Variants in LARS1 observed in about 807,000 individuals in gnomAD.
LARS1 encodes leucine--tRNA ligase, cytoplasmic.
LARS1 carries 100 observed loss-of-function variants against 162.8 expected under a neutral mutation model. The ratio of observed to expected loss-of-function variants is 0.61; its 90% CI spans 0.52 to 0.73. LARS1 has a LOEUF of 0.73. Among genes scored for constraint, LARS1 ranks in the 30% least tolerant of loss-of-function variants. The pLI, the probability that LARS1 is intolerant of heterozygous loss-of-function variation, is 0.00. For missense variants in LARS1, 1,258 were observed against 1,408.9 expected (o/e 0.89, Z 1.71); for synonymous variants, 457 against 462.8 (o/e 0.99, Z 0.16).
Position 146,146,532 on chromosome 5 carries a change from CAAAAAAA to C in LARS1, c.1504-1830_1504-1824del, listed in dbSNP as rs573828595. On this transcript the variant is annotated intron_variant, in intron 15 of 31. Transcript: ENST00000394434. ...ATACTGCCCCTACCTATGCCAGAAC[CAAAAAAA>C]AAAAAAAAAAAAAAAAGGCTAATTC... 2.3e-4 allele frequency among the ~76,000 whole-genome samples: 6 copies of C among 26,490 alleles called. 1 individual carries two copies. Among genetic ancestry groups the C allele is most frequent in the Admixed American group, 2.0e-3 (3 of 1,536 alleles). 17.4% of individuals were successfully genotyped at this position (26,490 alleles called of 152,430 possible). A position where few individuals can be genotyped will look rare whatever the true frequency, so the allele number is the denominator to read the frequency against.
chr5:146,146,192 T>C (rs555914208), intron 15 of LARS1, among the ~76,000 whole-genome samples: 4 of 152,002 alleles, frequency 2.6e-5, no homozygotes, highest in Admixed American at 2.0e-4. Context: ...AATACAAAAT[T>C]AGCTGGGCAT....
intron 2 of LARS1, among the ~76,000 whole-genome samples, chr5:146,175,880 T>C (rs1581093163): frequency 6.8e-6 from 1 of 146,788 alleles, no homozygotes; most frequent in Non-Finnish European, 1.5e-5. Context: ...AGGCCAGGAG[T>C]GATGGCTCAT....
rs3828935 is a variant in LARS1, at chr5:146,171,618, C to A, written c.294+292G>T. The stretch of plus-strand genomic sequence containing the variant: ...AAGTGCACAATGGCTGTACATTTTT[C>A]TTTTTAGTAAAACAGAATCAGTTAT... On this transcript the variant is annotated intron_variant, in intron 4 of 31. Transcript: ENST00000394434. Among the ~76,000 whole-genome samples, 33,855 of 152,018 alleles carry A rather than the reference C, an allele frequency of 0.22. 4,820 individuals are homozygous for A. The highest frequency in any genetic ancestry group is 0.34 in the Admixed American group (5,117 of 15,246).
In LARS1 at chr5:146,128,786, G is replaced by A; in HGVS notation, c.2770-4C>T. ...GCAGGGGTTGTTTGTCAGTCTTCTA[G>A]ACGGTAAAAGAAAGGAAAAACATTC... is the stretch of plus-strand genomic sequence containing the variant. On this transcript the variant is annotated splice_region_variant and splice_polypyrimidine_tract_variant and intron_variant, in intron 26 of 31. Transcript: ENST00000394434. 1 of 1,595,372 alleles carries A rather than the reference G, an allele frequency of 6.3e-7. No homozygotes were observed. The highest frequency in any genetic ancestry group is 8.5e-7 in the Non-Finnish European group (1 of 1,173,482).
chr5:146,113,976 C>G lies in LARS1; in HGVS notation c.*130G>C. 1 of 716,192 alleles carries G rather than the reference C, an allele frequency of 1.4e-6. No homozygotes were observed. Among genetic ancestry groups the G allele is most frequent in the South Asian group, 1.7e-5 (1 of 57,562 alleles). 44.4% of individuals were successfully genotyped at this position (716,192 alleles called of 1,614,324 possible). On this transcript the variant is annotated 3_prime_UTR_variant, in exon 32 of 32. Transcript: ENST00000394434. ...GACTTGATAGAATTATGAATACATG[C>G]AGAATTGGATGGTTAGAAATGAAAT... is the stretch of plus-strand genomic sequence containing the variant.
At chr5:146,165,170 C>T (rs1753947364) in intron 5 of LARS1, among the ~76,000 whole-genome samples, 1 of 152,022 alleles carries the variant, frequency 6.6e-6, no homozygotes, top group Non-Finnish European at 1.5e-5. Flanking sequence ...CCCATCTCTA[C>T]TAAAAATACG....
At chr5:146,132,346 T>C (rs1377849628) in intron 23 of LARS1, 3 of 152,252 alleles carry the variant, frequency 2.0e-5, no homozygotes, top group Non-Finnish European at 4.4e-5. Context: ...ATGACATCTC[T>C]GAATTCTCCT....
At chr5:146,173,846 C>G (rs1182982241) in intron 2 of LARS1, among the ~76,000 whole-genome samples, 1 of 151,950 alleles carries the variant, frequency 6.6e-6, no homozygotes, top group Non-Finnish European at 1.5e-5. Context: ...TTGGCAGCAC[C>G]CTTAAACTAT....
intron 30 of LARS1, among the ~76,000 whole-genome samples, chr5:146,120,813 T>G (rs1261621958): frequency 6.6e-6 from 1 of 152,202 alleles, no homozygotes; most frequent in East Asian, 1.9e-4. Context: ...ACTAAGCACT[T>G]CATCGACGTT....
chr5:146,161,220 T>C (rs1297276618), intron 6 of LARS1, among the ~76,000 whole-genome samples: 1 of 152,234 alleles, frequency 6.6e-6, no homozygotes, highest in East Asian at 1.9e-4. Flanking sequence ...GAGCCTTCAG[T>C]TGAGTTGTAA....
intron 2 of LARS1, among the ~76,000 whole-genome samples, chr5:146,174,894 G>A (rs11957830): frequency 0.22 from 33,718 of 151,544 alleles, 4,810 homozygotes; most frequent in Admixed American, 0.33. Context: ...GACTAGCCTG[G>A]GCAAGACAGT....
intron 21 of LARS1, chr5:146,137,869 C>T (rs13162640): frequency 0.24 from 52,061 of 221,464 alleles, 7,520 homozygotes; most frequent in Admixed American, 0.35. Context: ...CTCACATCTG[C>T]AATCCCAGCA....
At chr5:146,155,807 T>C (rs1295625787) in intron 10 of LARS1, among the ~76,000 whole-genome samples, 2 of 152,240 alleles carry the variant, frequency 1.3e-5, no homozygotes, top group Non-Finnish European at 2.9e-5. Flanking sequence ...TAGGAAAACA[T>C]GTATGTCCCT....
At chr5:146,176,231 A>G (rs1432611013) in intron 2 of LARS1, among the ~76,000 whole-genome samples, 1 of 152,080 alleles carries the variant, frequency 6.6e-6, no homozygotes, top group Non-Finnish European at 1.5e-5. Context: ...AGGTGGGCGG[A>G]TCACGAGGTC....
chr5:146,131,746 C>T (rs566504157), intron 23 of LARS1: 5 of 152,460 alleles, frequency 3.3e-5, no homozygotes, highest in African/African-American at 1.2e-4. Flanking sequence ...CCACCTCAGC[C>T]TTTCAAAGTG....
intron 27 of LARS1, 45 bp from the exon 28 acceptor site, chr5:146,126,590 A>C: frequency 7.5e-7 from 1 of 1,335,622 alleles, no homozygotes; most frequent in Non-Finnish European, 1.1e-6. Flanking sequence ...AAAAAGTCTC[A>C]AGAATAAGGC....
At chr5:146,163,558 C>T (rs376807783) in intron 6 of LARS1, among the ~76,000 whole-genome samples, 1 of 151,986 alleles carries the variant, frequency 6.6e-6, no homozygotes, top group South Asian at 2.1e-4. Flanking sequence ...TGTTGGCAGA[C>T]GCCTGTAATC....
At chr5:146,173,635 G>A (rs1219518929) in intron 2 of LARS1, among the ~76,000 whole-genome samples, 2 of 150,566 alleles carry the variant, frequency 1.3e-5, no homozygotes, top group African/African-American at 4.9e-5. Context: ...CACCATGCTT[G>A]GTCTGTATTC....
In LARS1 at chr5:146,164,506, G is replaced by A. The variant is rs766666374; in HGVS notation, c.433-35C>T. On this transcript the variant is annotated intron_variant, in intron 5 of 31. Transcript: ENST00000394434. ...ATGGAGAAAAATAAACTCGATCAAA[G>A]AATAACCAACACTCCAGGAAAATGA... 1.9e-6 allele frequency: 3 copies of A among 1,600,958 alleles called. No homozygotes were observed. In the Admixed American group the frequency reaches 5.2e-5, roughly 28 times the overall value.
Sources: allele counts gnomAD v4.1 joint callset (sites outside exome capture counted in the v4.1 genomes callset), GRCh38; gene constraint gnomAD v4.1.1; transcripts MANE v1.5; gene names NCBI Gene and HGNC (gene_info 2026-07-23, HGNC 2026-07-21).